SOS1: variants seen among roughly 807,000 people sequenced by gnomAD.
The protein encoded by SOS1 is SOS Ras/Rac guanine nucleotide exchange factor 1, also known as son of sevenless homolog 1.
A neutral mutation model predicts 157.6 loss-of-function variants in SOS1; 25 were observed. The observed-to-expected ratio is 0.16, with a 90% confidence interval of 0.12 to 0.22. SOS1 has a LOEUF of 0.22. Ranked by LOEUF, SOS1 falls within the 10% of genes least tolerant of loss-of-function variation. The probability of loss-of-function intolerance (pLI) is 1.00; values close to 1 mark genes in which losing one functional copy is unlikely to be tolerated. For synonymous variants in SOS1, 528 were observed against 534.0 expected (o/e 0.99, Z 0.16); for missense variants, 1,237 against 1,599.1 (o/e 0.77, Z 3.86).
At chr2:39,086,131 A>G (rs1672359178) in intron 1 of SOS1, among the ~76,000 whole-genome samples, 3 of 152,226 alleles carry the variant, frequency 2.0e-5, no homozygotes, top group Admixed American at 2.0e-4. Flanking sequence ...GTTAAAGTAC[A>G]GGATACCAAG....
chr2:39,030,167 A>G (rs1670107283), intron 8 of SOS1, among the ~76,000 whole-genome samples: 1 of 151,266 alleles, frequency 6.6e-6, no homozygotes, highest in African/African-American at 2.4e-5. Context: ...CTCCATCTCA[A>G]TAAATAAATA....
At chr2:39,117,090 G>A (rs1197341232) in intron 1 of SOS1, among the ~76,000 whole-genome samples, 1 of 149,372 alleles carries the variant, frequency 6.7e-6, no homozygotes, top group Admixed American at 6.7e-5. Context: ...GTGCAGTGGT[G>A]CAATCTCGCC....
chr2:39,051,068 A>T (rs1670998990), intron 6 of SOS1, 76 bp downstream of exon 6: 1 of 1,338,232 alleles, frequency 7.5e-7, no homozygotes, highest in African/African-American at 1.4e-5. Flanking sequence ...TTAGCTGGAA[A>T]GAAGTAAGAC....
chr2:39,036,495 C>T (rs540619450), intron 6 of SOS1, among the ~76,000 whole-genome samples: 4 of 152,256 alleles, frequency 2.6e-5, no homozygotes, highest in South Asian at 2.1e-4. Context: ...GGACCACAGG[C>T]GCACACCACC....
intron 2 of SOS1, among the ~76,000 whole-genome samples, chr2:39,066,188 C>G (rs1215961411): frequency 6.6e-6 from 1 of 152,156 alleles, no homozygotes; most frequent in African/African-American, 2.4e-5. Context: ...AAAAACATTA[C>G]TTTCTATGTG....
At chr2:38,999,364 T>C (rs1448943085) in intron 17 of SOS1, among the ~76,000 whole-genome samples, 3 of 152,204 alleles carry the variant, frequency 2.0e-5, no homozygotes, top group Non-Finnish European at 4.4e-5. Flanking sequence ...TAAATGCTTT[T>C]GTGGTAGAGG....
At chr2:39,051,362 C>T (rs539644842) in intron 5 of SOS1, 75 bp from the exon 6 acceptor site, 1 of 1,343,014 alleles carries the variant, frequency 7.4e-7, no homozygotes, top group African/African-American at 1.4e-5. Flanking sequence ...GCCAATAAGT[C>T]ATTTTATAAT....
chr2:39,110,918 T>C (rs1395168619), intron 1 of SOS1, among the ~76,000 whole-genome samples: 1 of 152,112 alleles, frequency 6.6e-6, no homozygotes, highest in Non-Finnish European at 1.5e-5. Flanking sequence ...CTGGCCAACA[T>C]GGAGAAACCC....
chr2:39,023,036 A>G lies in SOS1; in HGVS notation c.1392T>C (p.Phe464=). ...GAKHERHIFL[F]DGLMICCKSN... ...ATTTACAGCAAATCATTAAGCCATC[A>G]AAGAGAAATATGTGTCTCTCATGTT... Residue 464 remains phenylalanine, a synonymous_variant, in exon 10 of 23, where the codon TTT becomes TTC. Coordinates refer to ENST00000402219, the MANE Select transcript of SOS1 (RefSeq NM_005633.4). The G allele has an allele frequency of 1.9e-6, 3 of 1,613,742 alleles. No individual in the cohort carries two copies. The highest frequency in any genetic ancestry group is 2.5e-6 in the Non-Finnish European group (3 of 1,179,738).
At chr2:39,029,329 T>C (rs1357767093) in intron 8 of SOS1, among the ~76,000 whole-genome samples, 1 of 152,182 alleles carries the variant, frequency 6.6e-6, no homozygotes, top group East Asian at 1.9e-4. Context: ...TCAAGTTTAT[T>C]TAAAATTAAA....
upstream of SOS1, among the ~76,000 whole-genome samples, chr2:39,121,406 G>A (rs993525957): frequency 6.6e-6 from 1 of 152,228 alleles, no homozygotes; most frequent in African/African-American, 2.4e-5. Context: ...GCAATGTATA[G>A]TAAACAGACT....
chr2:39,096,607 C>T (rs982351696), intron 1 of SOS1, among the ~76,000 whole-genome samples: 2 of 151,986 alleles, frequency 1.3e-5, no homozygotes, highest in African/African-American at 2.4e-5. Flanking sequence ...CTTGGCTGGC[C>T]GGGCACGGTG....
intron 1 of SOS1, among the ~76,000 whole-genome samples, chr2:39,110,324 T>C (rs1390175851): frequency 6.6e-6 from 1 of 152,152 alleles, no homozygotes; most frequent in Non-Finnish European, 1.5e-5. Flanking sequence ...TCTGTACAAA[T>C]TTAGTATAGA....
At chr2:39,071,241 A>T (rs902416756) in intron 1 of SOS1, among the ~76,000 whole-genome samples, 4 of 152,152 alleles carry the variant, frequency 2.6e-5, no homozygotes, top group African/African-American at 7.2e-5. Flanking sequence ...AATACTGCAA[A>T]TATTGAACCT....
At chr2:38,992,307 T>C (rs1380547859) in intron 20 of SOS1, 1 of 152,192 alleles carries the variant, frequency 6.6e-6, no homozygotes, top group Non-Finnish European at 1.5e-5. Context: ...GTTTATTTGA[T>C]TTCAAAATCA....
intron 3 of SOS1, among the ~76,000 whole-genome samples, chr2:39,058,190 T>C (rs374277815): frequency 1.1e-4 from 16 of 152,164 alleles, no homozygotes; most frequent in Admixed American, 5.9e-4. Flanking sequence ...ATTAGTTCTA[T>C]AGAGATTCAA....
intron 6 of SOS1, among the ~76,000 whole-genome samples, chr2:39,040,883 T>C (rs907689071): frequency 2.0e-5 from 3 of 152,196 alleles, no homozygotes; most frequent in Non-Finnish European, 2.9e-5. Context: ...CTGGATCATA[T>C]GGTAATTCTG....
intron 6 of SOS1, among the ~76,000 whole-genome samples, chr2:39,035,842 T>C (rs1031107296): frequency 6.6e-6 from 1 of 152,142 alleles, no homozygotes; most frequent in African/African-American, 2.4e-5. Context: ...AGAATATAGA[T>C]ATGTACAACT....
intron 1 of SOS1, among the ~76,000 whole-genome samples, chr2:39,085,577 G>C (rs1672341546): frequency 6.6e-6 from 1 of 152,052 alleles, no homozygotes; most frequent in African/African-American, 2.4e-5. Context: ...GCCATAACAA[G>C]CAAGGAAAAA....
Sources: allele counts gnomAD v4.1 joint callset (sites outside exome capture counted in the v4.1 genomes callset), GRCh38; gene constraint gnomAD v4.1.1; transcripts MANE v1.5; gene names NCBI Gene and HGNC (gene_info 2026-07-23, HGNC 2026-07-21).